MNX1: variants seen among roughly 807,000 people sequenced by gnomAD.
MNX1 encodes the protein motor neuron and pancreas homeobox 1, also known as motor neuron and pancreas homeobox protein 1.
In MNX1, 2 loss-of-function variants were observed where a neutral mutation model predicts 17.3. The observed-to-expected ratio is 0.12, with a 90% CI of 0.05 to 0.36. MNX1 has a LOEUF of 0.36. Ranked by LOEUF, MNX1 falls within the 10% of genes least tolerant of loss-of-function variation. The pLI is 1.00. For synonymous variants in MNX1, 306 were observed against 283.1 expected, an observed-to-expected ratio of 1.08 and a Z score of -0.81; for missense variants, 556 against 564.7, an observed-to-expected ratio of 0.98 and a Z score of 0.16.
Position 157,010,080 on chromosome 7 carries a change from G to T in MNX1, c.271C>A (p.Leu91Met). The T allele has an allele frequency of 1.0e-6, 1 of 986,240 alleles. No homozygotes were observed. The highest frequency in any genetic ancestry group is 4.6e-5 in the South Asian group (1 of 21,958). 61.1% of individuals were successfully genotyped at this position (986,240 alleles called of 1,614,324 possible). A position where few individuals can be genotyped will look rare whatever the true frequency, so the allele number is the denominator to read the frequency against. The part of the protein sequence containing the change: ...PRLLAAHCAL[L>M]PKPGFLGAGG... ...GCGCCCAGGAAGCCCGGCTTGGGCAGCAGCGCGCAGTGCGCGGCCAGCAGG... is the reference window on the plus strand; with the variant it reads ...GCGCCCAGGAAGCCCGGCTTGGGCATCAGCGCGCAGTGCGCGGCCAGCAGG... Residue 91 changes from leucine (L) to methionine (M), a missense_variant, in exon 1 of 3, where the codon CTG becomes ATG. By Grantham distance (15) the Leu-to-Met change is conservative (BLOSUM62 2). This residue lies in a region of MNX1 where 115 missense variants were observed against 103.5 expected (regional missense o/e 1.11). Coordinates refer to ENST00000252971, the MANE Select transcript of MNX1 (RefSeq NM_005515.4).
At chr7:157,008,044 A>T (rs577013881) in intron 1 of MNX1, 1 of 152,392 alleles carries the variant, frequency 6.6e-6, no homozygotes, top group Non-Finnish European at 1.5e-5. Context: ...TTGGATTGCC[A>T]GGTGCAGATA....
In MNX1 at chr7:157,006,339, C is replaced by T; in HGVS notation, c.852+140G>A. 1.0e-6 allele frequency: 1 copy of T among 959,926 alleles called. No homozygotes were observed. Among genetic ancestry groups the T allele is most frequent in the Non-Finnish European group, 1.5e-6 (1 of 656,586 alleles). The allele number at this position is 959,926 out of a possible 1,614,324, so 59.5% of individuals were successfully genotyped here. On this transcript the variant is annotated intron_variant, in intron 2 of 2. Transcript: ENST00000252971. The surrounding 1 kb of genome is among the most constrained non-coding windows in gnomAD (Gnocchi z 6.3). ...GCTACTGAATCGGCGCTCTGGGCAC[C>T]TTAGATGAACCCGTGCGCCCGCCGT...
At position 157,010,283 on chromosome 7, in the gene MNX1, G is replaced by A. The variant is rs751183447; in HGVS notation, c.68C>T (p.Ala23Val). Residue 23 changes from alanine (A) to valine (V), a missense_variant, in exon 1 of 3, where the codon GCG (alanine) becomes GTG (valine). By Grantham distance (64) the Ala-to-Val change is moderately conservative (BLOSUM62 0). Around this residue, in one of 7 missense-constraint regions of MNX1, gnomAD observed 45 missense variants for 42.0 expected, o/e 1.07. Transcript: ENST00000252971. Reference sequence around the variant, plus strand: ...GACCAAGGCCAGCGGCGCGCTCTGCGCAGAGGCGGCTCGTGGGGGGTCCAC... The same window carrying A: ...GACCAAGGCCAGCGGCGCGCTCTGCACAGAGGCGGCTCGTGGGGGGTCCAC... Reference protein sequence around the residue: ...LAVDPPRAASAQSAPLALVTS... With the variant: ...LAVDPPRAASVQSAPLALVTS... The A allele has an allele frequency of 1.3e-4, 206 of 1,562,602 alleles. No individual in the cohort carries two copies. Among genetic ancestry groups the A allele is most frequent in the Non-Finnish European group, 1.7e-4 (199 of 1,155,794 alleles).
chr7:157,009,710 A>G lies in MNX1; in HGVS notation c.641T>C (p.Leu214Pro). The G allele has an allele frequency of 1.2e-6, 2 of 1,608,668 alleles. No individual in the cohort carries two copies. The highest frequency in any genetic ancestry group is 1.7e-6 in the Non-Finnish European group (2 of 1,178,978). ...GATCATGCCCGCGGTGGACGCGCGCAGCCACTGGTCCAGCTGGAAGGTGCC... is the reference window on the plus strand; with the variant it reads ...GATCATGCCCGCGGTGGACGCGCGCGGCCACTGGTCCAGCTGGAAGGTGCC... ...GAGTFQLDQWLRASTAGMILP... is the reference protein window; with the variant it reads ...GAGTFQLDQWPRASTAGMILP... Residue 214 changes from leucine to proline, a missense_variant, in exon 1 of 3, where the codon CTG (leucine) becomes CCG (proline). Coordinates refer to ENST00000252971, the MANE Select transcript of MNX1 (RefSeq NM_005515.4).
Position 157,009,999 on chromosome 7 carries a change from G to A in MNX1, c.352C>T (p.His118Tyr), listed in dbSNP as rs1160581376. The change falls in exon 1 of 3, where the codon CAT (histidine) becomes TAT (tyrosine). Residue 118 changes from histidine to tyrosine, a missense_variant. By Grantham distance (83) the His-to-Tyr change is moderately conservative. Coordinates refer to ENST00000252971, the MANE Select transcript of MNX1 (RefSeq NM_005515.4). ...GCGGCAGCGGCCGCTGCGCCCGGAT[G>A]CGCGTGGTGGTGGGGCCCCCCGTGC... is the stretch of plus-strand genomic sequence containing the variant. ...GGHGGPHHHA[H>Y]PGAAAAAAAA... 6 of 944,680 alleles carry A rather than the reference G, an allele frequency of 6.4e-6. No individual in the cohort carries two copies. Among genetic ancestry groups the A allele is most frequent in the Non-Finnish European group, 7.4e-6 (6 of 812,430 alleles). 58.5% of individuals were successfully genotyped at this position (944,680 alleles called of 1,614,324 possible). A position where few individuals can be genotyped will look rare whatever the true frequency, so the allele number is the denominator to read the frequency against.
Position 157,005,484 on chromosome 7 carries a change from C to G in MNX1, c.*36G>C, listed in dbSNP as rs1453173656. The G allele has an allele frequency of 7.9e-7, 1 of 1,258,428 alleles. No individual in the cohort carries two copies. Among genetic ancestry groups the G allele is most frequent in the East Asian group, 3.2e-5 (1 of 31,554 alleles). The allele number at this position is 1,258,428 out of a possible 1,614,324, so 78.0% of individuals were successfully genotyped here. On this transcript the variant is annotated 3_prime_UTR_variant, in exon 3 of 3. Coordinates refer to ENST00000252971, the MANE Select transcript of MNX1 (RefSeq NM_005515.4). ...CCGGGAGAAGCCGCCGGCCGGGGCG[C>G]TCCGTGCGCGCCGCACCTGCTGGGC...
chr7:157,009,362 C>A (rs1805664134), intron 1 of MNX1: 3 of 1,415,182 alleles, frequency 2.1e-6, no homozygotes. Flanking sequence ...CCGGCGACTT[C>A]CTTCTCCTGC....
At position 157,009,806 on chromosome 7, in the gene MNX1, A is replaced by G. The variant is rs1351577977; in HGVS notation, c.545T>C (p.Leu182Pro). ...AAALAGQHPA[L>P]SYSYPQVQGA... ...TTGCACCTGCGGGTACGAGTAGGAG[A>G]GCGCCGGGTGCTGGCCCGCCAGCGC... The change falls in exon 1 of 3, where the codon CTC (leucine) becomes CCC (proline). Residue 182 changes from leucine (L) to proline (P), a missense_variant. Coordinates refer to ENST00000252971, the MANE Select transcript of MNX1 (RefSeq NM_005515.4). 1 of 1,547,260 alleles carries G rather than the reference A, an allele frequency of 6.5e-7. No homozygotes were observed. Among genetic ancestry groups the G allele is most frequent in the Admixed American group, 1.9e-5 (1 of 52,260 alleles).
chr7:157,007,418 C>T (rs1393032447), intron 1 of MNX1: 1 of 152,510 alleles, frequency 6.6e-6, no homozygotes, highest in Admixed American at 6.5e-5. Context: ...CAGGACCAAA[C>T]CCAGGGTCCA....
chr7:157,010,297 T>TGGG lies in MNX1; in HGVS notation c.51_53dup (p.Pro18dup). 2 of 1,567,722 alleles carry TGGG rather than the reference T, an allele frequency of 1.3e-6. No homozygotes were observed. The highest frequency in any genetic ancestry group is 1.7e-6 in the Non-Finnish European group (2 of 1,157,758). ...GCGCGCTCTGCGCAGAGGCGGCTCG[T>TGGG]GGGGGGTCCACCGCCAGCAGGGCGT... On this transcript the variant is annotated inframe_insertion, in exon 1 of 3. Transcript: ENST00000252971.
chr7:157,005,861 A>G lies in MNX1; in HGVS notation c.865T>C (p.Phe289Leu). 6.2e-7 allele frequency: 1 copy of G among 1,611,856 alleles called. No individual in the cohort carries two copies. Among genetic ancestry groups the G allele is most frequent in the Non-Finnish European group, 8.5e-7 (1 of 1,179,826 alleles). Reference sequence around the variant, plus strand: ...TTCCATTTCATCCGCCGGTTCTGGAACCAAATCTTCACCTGCGGGCACAAG... The same window carrying G: ...TTCCATTTCATCCGCCGGTTCTGGAGCCAAATCTTCACCTGCGGGCACAAG... Reference protein sequence around the residue: ...MLTETQVKIWFQNRRMKWKRS... With the variant: ...MLTETQVKIWLQNRRMKWKRS... The change falls in exon 3 of 3, where the codon TTC (phenylalanine) becomes CTC (leucine). Residue 289 changes from phenylalanine (F) to leucine (L), a missense_variant. Transcript: ENST00000252971.
chr7:157,007,554 T>C (rs1805628360), intron 1 of MNX1: 1 of 152,206 alleles, frequency 6.6e-6, no homozygotes, highest in Non-Finnish European at 1.5e-5. Context: ...ACAATTCTCA[T>C]TACGCAAATT....
At chr7:157,007,351 A>AGAAG (rs796952301) in intron 1 of MNX1, among the ~76,000 whole-genome samples, 3,718 of 151,060 alleles carry the variant, frequency 0.025, 114 homozygotes, top group African/African-American at 0.073. Context: ...AAAGAAGGAA[A>AGAAG]GAAGGAAGGA....
chr7:157,005,888 G>T lies in MNX1; in HGVS notation c.853-15C>A. ...CAAATCTTCACCTGCGGGCACAAGC[G>T]GGCGTGAGAAACCGGCCACCGCCAC... On this transcript the variant is annotated splice_polypyrimidine_tract_variant and intron_variant, in intron 2 of 2. Transcript: ENST00000252971. The T allele has an allele frequency of 6.2e-7, 1 of 1,610,256 alleles. No homozygotes were observed. The highest frequency in any genetic ancestry group is 1.1e-5 in the South Asian group (1 of 91,082).
At position 157,010,661 on chromosome 7, in the gene MNX1, G is replaced by A. The variant is rs2057873023; in HGVS notation, c.-311C>T. ...ACCGCGCGGAGGCCGCTGCCGCCGT[G>A]GTGGGGACCCGCGCCCCTCCGCGCA... On this transcript the variant is annotated 5_prime_UTR_variant, in exon 1 of 3. Transcript: ENST00000252971. The A allele has an allele frequency of 4.6e-6, 1 of 216,944 alleles. No individual in the cohort carries two copies. Among genetic ancestry groups the A allele is most frequent in the African/African-American group, 2.3e-5 (1 of 44,226 alleles). 13.4% of individuals were successfully genotyped at this position (216,944 alleles called of 1,614,324 possible).
rs781217883 is a variant in MNX1 at position 157,010,204 on chromosome 7, C to CCCGCCGCCG, written c.138_146dup (p.Gly47_Gly49dup). 16 of 1,228,870 alleles carry CCCGCCGCCG rather than the reference C, an allele frequency of 1.3e-5. No homozygotes were observed. The East Asian group carries it at 5.0e-4, about 38-fold the overall frequency. 76.1% of individuals were successfully genotyped at this position (1,228,870 alleles called of 1,614,324 possible). ...AGCTGCCGCTAGTCCCGCCGCTCGCCCCGCCGCCGCCGCCGCCACCTCCGG... is the reference window on the plus strand; with the variant it reads ...AGCTGCCGCTAGTCCCGCCGCTCGCCCCGCCGCCGCCGCCGCCGCCGCCGCCACCTCCGG... On this transcript the variant is annotated inframe_insertion, in exon 1 of 3. Transcript: ENST00000252971.
At position 157,006,941 on chromosome 7, in the gene MNX1, G is replaced by C. The variant is rs1452921477; in HGVS notation, c.692-302C>G. On this transcript the variant is annotated intron_variant, in intron 1 of 2. Transcript: ENST00000252971. The surrounding 1 kb of genome is among the most constrained non-coding windows in gnomAD (Gnocchi z 6.3). ...GGAGGCTTCCTCTCCACAGGAGCCG[G>C]CTTTGGTAGCAGTGGATTGACCCAG... 1 of 274,082 alleles carries C rather than the reference G, an allele frequency of 3.6e-6. No homozygotes were observed. Among genetic ancestry groups the C allele is most frequent in the Non-Finnish European group, 6.8e-6 (1 of 147,752 alleles). The allele number at this position is 274,082 out of a possible 1,614,324, so 17.0% of individuals were successfully genotyped here.
In MNX1 at chr7:157,009,159, G is replaced by T. The variant is rs567960311; in HGVS notation, c.691+501C>A. The T allele has an allele frequency of 1.5e-5, 23 of 1,498,586 alleles. No homozygotes were observed. In the East Asian group the frequency reaches 5.5e-4, roughly 36 times the overall value. 92.8% of individuals were successfully genotyped at this position (1,498,586 alleles called of 1,614,324 possible). A position where few individuals can be genotyped will look rare whatever the true frequency, so the allele number is the denominator to read the frequency against. On this transcript the variant is annotated intron_variant, in intron 1 of 2. Coordinates refer to ENST00000252971, the MANE Select transcript of MNX1 (RefSeq NM_005515.4). ...AGAGCCGGGGGTTCCCTGGGCCTTGGCCTTGCCTCCCCGGGCCTCCGAAGC... is the reference window on the plus strand; with the variant it reads ...AGAGCCGGGGGTTCCCTGGGCCTTGTCCTTGCCTCCCCGGGCCTCCGAAGC...
intron 1 of MNX1, chr7:157,009,002 T>C: frequency 2.0e-6 from 3 of 1,537,134 alleles, no homozygotes; most frequent in South Asian, 1.2e-5. Flanking sequence ...CGTTACCTTG[T>C]TGGGCGCCCA....
Sources: gnomAD v4.1 joint callset for allele counts (sites outside exome capture counted in the v4.1 genomes callset) on GRCh38, gnomAD v4.1.1 for gene constraint, gnomAD v4.1.1 regional missense constraint, Gnocchi (gnomAD v3.1) non-coding constraint, MANE v1.5 for transcripts, NCBI Gene and HGNC (gene_info 2026-07-23, HGNC 2026-07-21) for gene names.